The following NCALD variants were observed in gnomAD, a reference collection of about 807,000 sequenced individuals.
NCALD encodes the protein neurocalcin-delta.
Under a neutral mutation model 18.6 loss-of-function variants are expected in NCALD, and 10 were observed. That is an observed-to-expected ratio of 0.54 (90% confidence interval 0.33 to 0.91). The LOEUF is 0.91. Ranked by LOEUF, NCALD falls within the 40% of genes least tolerant of loss-of-function variation. NCALD has a pLI of 0.03. For missense variants in NCALD, 184 were observed against 247.6 expected (o/e 0.74, Z 1.72); for synonymous variants, 88 against 87.4 (o/e 1.01, Z -0.04).
intron 2 of NCALD, among the ~76,000 whole-genome samples, chr8:101,960,112 T>G (rs1460752681): frequency 6.6e-6 from 1 of 152,194 alleles, no homozygotes; most frequent in African/African-American, 2.4e-5. Flanking sequence ...TTGCTAATTC[T>G]TTCAGGCTTG....
chr8:102,117,116 G>C (rs866824402), intron 1 of NCALD, among the ~76,000 whole-genome samples: 3 of 152,140 alleles, frequency 2.0e-5, no homozygotes, highest in African/African-American at 7.2e-5. Context: ...ACGGCATTTC[G>C]GCCTCAGACT....
intron 1 of NCALD, among the ~76,000 whole-genome samples, chr8:101,771,012 T>C (rs751543206): frequency 6.6e-6 from 1 of 152,222 alleles, no homozygotes; most frequent in African/African-American, 2.4e-5. Flanking sequence ...ATTAGTTCAC[T>C]TTCCTTGCTA....
intron 4 of NCALD, among the ~76,000 whole-genome samples, chr8:101,834,834 G>A (rs1241448296): frequency 6.6e-6 from 1 of 152,216 alleles, no homozygotes; most frequent in Non-Finnish European, 1.5e-5. Flanking sequence ...ACTGTATCAA[G>A]TGTGGCTGGT....
intron 1 of NCALD, among the ~76,000 whole-genome samples, chr8:101,768,292 TA>T (rs1280752485): frequency 2.0e-5 from 3 of 152,226 alleles, no homozygotes; most frequent in African/African-American, 7.2e-5. Flanking sequence ...CAGCAGATCT[TA>T]TTCTCACAGG....
At chr8:101,995,836 A>G (rs1166634721) in intron 2 of NCALD, among the ~76,000 whole-genome samples, 1 of 152,242 alleles carries the variant, frequency 6.6e-6, no homozygotes, top group East Asian at 1.9e-4. Flanking sequence ...CCTCAAGATA[A>G]GAGCACCAAT....
intron 3 of NCALD, among the ~76,000 whole-genome samples, chr8:101,892,036 C>T (rs1224244528): frequency 6.6e-6 from 1 of 152,064 alleles, no homozygotes; most frequent in Admixed American, 6.5e-5. Context: ...CTGGCTGCCT[C>T]TGTAGGCTCC....
At chr8:101,960,982 CT>C (rs1819812574) in intron 2 of NCALD, among the ~76,000 whole-genome samples, 1 of 152,096 alleles carries the variant, frequency 6.6e-6, no homozygotes, top group South Asian at 2.1e-4. Flanking sequence ...TCATAACAGC[CT>C]GTTTCATTTT....
chr8:101,957,698 T>G (rs905400376), intron 2 of NCALD, among the ~76,000 whole-genome samples: 2 of 152,134 alleles, frequency 1.3e-5, no homozygotes. Context: ...TGCTAAGGCC[T>G]GACACCTTGT....
upstream of NCALD, chr8:102,124,402 A>G (rs1490104578): frequency 7.7e-6 from 1 of 130,566 alleles, no homozygotes; most frequent in Non-Finnish European, 1.7e-5. Flanking sequence ...CCCCCTCTCC[A>G]CTGCAGCCCC....
rs542810198 is a variant in NCALD, at chr8:101,914,251, C to T, written c.-107+1558G>A. Among the ~76,000 whole-genome samples, 180 of 152,072 alleles carry T rather than the reference C, an allele frequency of 1.2e-3. 2 individuals carry two copies. Among genetic ancestry groups the T allele is most frequent in the African/African-American group, 4.1e-3 (172 of 41,542 alleles). On this transcript the variant is annotated intron_variant, in intron 3 of 6. Coordinates refer to the NCALD transcript ENST00000311028. Reference sequence around the variant, plus strand: ...ACTAGTCAGATATTTTGTAGCATGTCGCTCTACTGGAATTTGTCTTATGCT... The same window carrying T: ...ACTAGTCAGATATTTTGTAGCATGTTGCTCTACTGGAATTTGTCTTATGCT...
chr8:101,897,314 A>G (rs1817227784), intron 3 of NCALD, among the ~76,000 whole-genome samples: 1 of 149,166 alleles, frequency 6.7e-6, no homozygotes, highest in African/African-American at 2.5e-5. Context: ...GGAATTTAAC[A>G]ATGAGATCAC....
At position 101,802,155 on chromosome 8, in the gene NCALD, C is replaced by T. The variant is rs113540832; in HGVS notation, c.-19-82507G>A. Among the ~76,000 whole-genome samples, 870 of 152,198 alleles carry T rather than the reference C, an allele frequency of 5.7e-3. 11 individuals are homozygous for T. The highest frequency in any genetic ancestry group is 0.018 in the African/African-American group (764 of 41,520). On this transcript the variant is annotated intron_variant, in intron 4 of 6. Transcript: ENST00000311028. ...TGCAATGTTTTTAAACATTTTTCAT[C>T]TGTTATGGTGATCAGTAATCAGTAA... is the stretch of plus-strand genomic sequence containing the variant.
chr8:101,713,921 G>A (rs1482170916), intron 2 of NCALD, among the ~76,000 whole-genome samples: 2 of 151,938 alleles, frequency 1.3e-5, no homozygotes, highest in African/African-American at 4.8e-5. Context: ...CTCTGAAAAG[G>A]CCTTCAATAA....
intron 2 of NCALD, among the ~76,000 whole-genome samples, chr8:101,975,978 G>A (rs1430104800): frequency 6.6e-6 from 1 of 152,112 alleles, no homozygotes; most frequent in Non-Finnish European, 1.5e-5. Flanking sequence ...AGAAGGCATT[G>A]GCAGGAGATT....
intron 2 of NCALD, among the ~76,000 whole-genome samples, chr8:101,918,740 CCACACACACACACA>C (rs34480976): frequency 9.2e-5 from 13 of 140,658 alleles, no homozygotes; most frequent in South Asian, 7.1e-4. Flanking sequence ...TTTACAATAG[CCACACACACACACA>C]CACACACACA....
chr8:101,760,997 G>A (rs752021817), intron 1 of NCALD, among the ~76,000 whole-genome samples: 7 of 126,200 alleles, frequency 5.5e-5, no homozygotes, highest in Non-Finnish European at 9.5e-5. Flanking sequence ...GCTGTGAAAA[G>A]TTTGAACAGA....
intron 1 of NCALD, among the ~76,000 whole-genome samples, chr8:101,723,976 C>T (rs964601862): frequency 6.6e-6 from 1 of 152,122 alleles, no homozygotes; most frequent in Non-Finnish European, 1.5e-5. Context: ...CAATTCTACA[C>T]AATTAAGGCA....
At chr8:102,001,292 T>C (rs948432537) in intron 2 of NCALD, among the ~76,000 whole-genome samples, 1 of 152,082 alleles carries the variant, frequency 6.6e-6, no homozygotes, top group Non-Finnish European at 1.5e-5. Context: ...GAAGATCAAA[T>C]GAATGAAATG....
chr8:101,980,162 T>C (rs1563504282), intron 2 of NCALD, among the ~76,000 whole-genome samples: 1 of 152,124 alleles, frequency 6.6e-6, no homozygotes, highest in East Asian at 1.9e-4. Flanking sequence ...ACTCAGACAA[T>C]GGCCTTGCTC....
Sources: allele counts gnomAD v4.1 joint callset (sites outside exome capture counted in the v4.1 genomes callset), GRCh38; gene constraint gnomAD v4.1.1; transcripts MANE v1.5; gene names NCBI Gene and HGNC (gene_info 2026-07-23, HGNC 2026-07-21).